The following ENTREP2 variants were observed in gnomAD, a reference collection of about 807,000 sequenced individuals.
The protein encoded by ENTREP2 is protein ENTREP2.
At chr15:29,507,102 C>T in the ENTREP2 span, among the ~76,000 whole-genome samples, 1 of 152,068 alleles carries the variant, frequency 6.6e-6, no homozygotes. Context: ...GCAGGGGTTG[C>T]AATCCTAGTC....
chr15:29,210,555 G>C, the ENTREP2 span, among the ~76,000 whole-genome samples: 1 of 152,194 alleles, frequency 6.6e-6, no homozygotes, highest in South Asian at 2.1e-4. Context: ...AGGGATCTAG[G>C]TTGCACGCTC....
At chr15:29,292,348 T>TTTCC in the ENTREP2 span, among the ~76,000 whole-genome samples, 582 of 150,282 alleles carry the variant, frequency 3.9e-3, 1 homozygote, top group Admixed American at 5.9e-3. Flanking sequence ...TCCTTCCTTC[T>TTTCC]TTCCTTCCTT....
the ENTREP2 span, among the ~76,000 whole-genome samples, chr15:29,143,060 T>C: frequency 6.6e-6 from 1 of 152,198 alleles, no homozygotes; most frequent in Non-Finnish European, 1.5e-5. Context: ...TGCATTATGC[T>C]AGTTCCATCG....
chr15:29,139,880 G>A, the ENTREP2 span, among the ~76,000 whole-genome samples: 1 of 152,162 alleles, frequency 6.6e-6, no homozygotes, highest in Admixed American at 6.5e-5. Context: ...GTGTCTCGCG[G>A]CCCAGGGTGG....
the ENTREP2 span, among the ~76,000 whole-genome samples, chr15:29,323,255 C>T: frequency 6.6e-6 from 1 of 152,144 alleles, no homozygotes. Flanking sequence ...ATCCCCCAAC[C>T]CCAGGGAGTG....
chr15:29,555,800 G>A, the ENTREP2 span, among the ~76,000 whole-genome samples: 3,015 of 152,296 alleles, frequency 0.02, 87 homozygotes, highest in African/African-American at 0.069. Flanking sequence ...AGCCCACTGT[G>A]CTCTGGGTCC....
chr15:29,617,207 A>G, the ENTREP2 span, among the ~76,000 whole-genome samples: 1 of 152,202 alleles, frequency 6.6e-6, no homozygotes, highest in Non-Finnish European at 1.5e-5. Flanking sequence ...CCTGAGCCCA[A>G]AGGCCAGAGA....
At chr15:29,619,023 G>A in the ENTREP2 span, among the ~76,000 whole-genome samples, 3 of 152,228 alleles carry the variant, frequency 2.0e-5, no homozygotes, top group Admixed American at 6.5e-5. Context: ...AGAGCCACCC[G>A]GCAGGGGCCC....
chr15:29,148,211 G>C, the ENTREP2 span, among the ~76,000 whole-genome samples: 1 of 152,158 alleles, frequency 6.6e-6, no homozygotes, highest in Non-Finnish European at 1.5e-5. Context: ...GTTCTAAAAT[G>C]GATTGTGGTG....
chr15:29,505,467 C>T, the ENTREP2 span, among the ~76,000 whole-genome samples: 1 of 152,208 alleles, frequency 6.6e-6, no homozygotes, highest in Non-Finnish European at 1.5e-5. The surrounding 1 kb of genome is among the most constrained non-coding windows in gnomAD (Gnocchi z 4.3). Context: ...TGGGGAGACA[C>T]CTCCCAGCAG....
the ENTREP2 span, among the ~76,000 whole-genome samples, chr15:29,491,228 C>T: frequency 6.6e-6 from 1 of 152,190 alleles, no homozygotes; most frequent in Non-Finnish European, 1.5e-5. Flanking sequence ...GCCCTGTGCA[C>T]AGCCCTGGTT....
the ENTREP2 span, among the ~76,000 whole-genome samples, chr15:29,119,233 G>A: frequency 1.3e-5 from 2 of 152,222 alleles, no homozygotes; most frequent in Admixed American, 6.5e-5. Flanking sequence ...CTGCGTATAT[G>A]CCGAAATGTA....
At chr15:29,414,538 G>C in the ENTREP2 span, among the ~76,000 whole-genome samples, 1 of 152,094 alleles carries the variant, frequency 6.6e-6, no homozygotes, top group Admixed American at 6.6e-5. Flanking sequence ...ATGCCCACAA[G>C]AGAAAGCAGG....
the ENTREP2 span, among the ~76,000 whole-genome samples, chr15:29,415,486 G>A: frequency 6.6e-6 from 1 of 152,140 alleles, no homozygotes; most frequent in Admixed American, 6.5e-5. Flanking sequence ...ATTAGGTATT[G>A]ATGGGATGTA....
the ENTREP2 span, among the ~76,000 whole-genome samples, chr15:29,490,209 T>C: frequency 6.6e-5 from 10 of 152,194 alleles, no homozygotes; most frequent in Admixed American, 2.6e-4. Context: ...TTCCTTGTGG[T>C]GTTCGGACAT....
At chr15:29,171,034 G>C in the ENTREP2 span, among the ~76,000 whole-genome samples, 167 of 152,306 alleles carry the variant, frequency 1.1e-3, no homozygotes, top group Middle Eastern at 0.014. Context: ...GTGAGACAGA[G>C]AGAGAAGCCA....
chr15:29,124,335 T>A, the ENTREP2 span, among the ~76,000 whole-genome samples: 1 of 152,126 alleles, frequency 6.6e-6, no homozygotes, highest in Non-Finnish European at 1.5e-5. Flanking sequence ...CCACACAAAG[T>A]TGGAACATTC....
chr15:29,357,644 T>G, the ENTREP2 span, among the ~76,000 whole-genome samples: 1 of 151,992 alleles, frequency 6.6e-6, no homozygotes, highest in African/African-American at 2.4e-5. Context: ...GAGACCATCC[T>G]GCCTAACATG....
the ENTREP2 span, among the ~76,000 whole-genome samples, chr15:29,251,878 T>C: frequency 3.3e-5 from 5 of 151,848 alleles, no homozygotes; most frequent in Admixed American, 2.0e-4. Flanking sequence ...ACAATGTACA[T>C]AGCACACTGT....
Sources: allele counts gnomAD v4.1 joint callset (sites outside exome capture counted in the v4.1 genomes callset), GRCh38; gene constraint gnomAD v4.1.1; non-coding constraint Gnocchi (gnomAD v3.1); transcripts MANE v1.5; gene names NCBI Gene and HGNC (gene_info 2026-07-23, HGNC 2026-07-21).